The following MYT1L variants were observed in gnomAD, a reference collection of about 807,000 sequenced individuals.
The protein encoded by MYT1L is myelin transcription factor 1-like protein.
In MYT1L, 12 loss-of-function variants were observed where a neutral mutation model predicts 126.7. The ratio of observed to expected loss-of-function variants is 0.09; its 90% CI spans 0.06 to 0.15. The LOEUF (loss-of-function observed/expected upper bound fraction) is 0.15, where lower values mean the gene tolerates loss of function less well. Among genes scored for constraint, MYT1L ranks in the 10% least tolerant of loss-of-function variants. MYT1L has a pLI of 1.00. For missense variants in MYT1L, 979 were observed against 1,585.2 expected (o/e 0.62, Z 6.49); for synonymous variants, 541 against 604.2 (o/e 0.90, Z 1.53).
At chr2:2,289,530 G>T (rs1436991189) in intron 1 of MYT1L, among the ~76,000 whole-genome samples, 1 of 152,162 alleles carries the variant, frequency 6.6e-6, no homozygotes, top group Non-Finnish European at 1.5e-5. Context: ...ACAGCCTCTA[G>T]TAACAATAAT....
intron 19 of MYT1L, among the ~76,000 whole-genome samples, chr2:1,851,144 G>A (rs779960344): frequency 1.3e-5 from 2 of 151,982 alleles, no homozygotes; most frequent in Non-Finnish European, 2.9e-5. Context: ...TTATATTTTA[G>A]ACAGTACCTT....
In MYT1L at chr2:1,943,045, C is replaced by A. The variant is rs1282940571; in HGVS notation, c.442G>T (p.Asp148Tyr). Reference protein sequence around the residue: ...EDEDDDEDGEDVEDEEEEEEE... With the variant: ...EDEDDDEDGEYVEDEEEEEEE... ...TCTTCCTCTTCTTCATCCTCCACAT[C>A]TTCTCCATCCTCGTCATCGTCCTCA... The change falls in exon 9 of 25, where the codon GAT (aspartate) becomes TAT (tyrosine). Residue 148 changes from aspartate (D) to tyrosine (Y), a missense_variant. Asp to Tyr is a radical substitution (Grantham distance 160, BLOSUM62 -3). Transcript: ENST00000647738. The surrounding 1 kb of genome is among the most constrained non-coding windows in gnomAD (Gnocchi z 4.4). 6.7e-7 allele frequency: 1 copy of A among 1,490,864 alleles called. No individual in the cohort carries two copies. Among genetic ancestry groups the A allele is most frequent in the South Asian group, 1.2e-5 (1 of 82,726 alleles). 92.4% of individuals were successfully genotyped at this position (1,490,864 alleles called of 1,614,324 possible).
chr2:1,962,726 G>T (rs1048518442), intron 8 of MYT1L, among the ~76,000 whole-genome samples: 3 of 152,160 alleles, frequency 2.0e-5, no homozygotes, highest in South Asian at 2.1e-4. Flanking sequence ...TTTCAACAAT[G>T]TTCACAGCAT....
intron 18 of MYT1L, among the ~76,000 whole-genome samples, chr2:1,870,476 G>T (rs576634007): frequency 1.3e-5 from 2 of 152,140 alleles, no homozygotes; most frequent in Non-Finnish European, 2.9e-5. Context: ...ATAGAGGGTC[G>T]GTCTGCTGGC....
chr2:2,288,742 G>A (rs189595942), intron 1 of MYT1L, among the ~76,000 whole-genome samples: 56 of 152,232 alleles, frequency 3.7e-4, no homozygotes, highest in Non-Finnish European at 7.1e-4. Flanking sequence ...CTGATCTAGA[G>A]TATCAGTTAT....
At chr2:2,109,872 ATT>A (rs1491315747) in intron 3 of MYT1L, among the ~76,000 whole-genome samples, 5 of 78,438 alleles carry the variant, frequency 6.4e-5, no homozygotes, top group Admixed American at 1.6e-4. Context: ...AAAAGTGCTG[ATT>A]TTATATATAT....
chr2:1,904,304 G>C (rs1028442792), intron 13 of MYT1L, among the ~76,000 whole-genome samples: 4 of 152,090 alleles, frequency 2.6e-5, no homozygotes, highest in African/African-American at 9.7e-5. Context: ...CGGGCTCAAG[G>C]CTTCATGGAT....
At chr2:2,219,710 A>G (rs1458955700) in intron 2 of MYT1L, among the ~76,000 whole-genome samples, 19 of 152,214 alleles carry the variant, frequency 1.2e-4, no homozygotes. Flanking sequence ...GTTGCTAGCC[A>G]GTCAGGACAA....
rs190493191 is a variant in MYT1L at position 2,174,678 on chromosome 2, A to G, written c.-420-1690T>C. Among the ~76,000 whole-genome samples, 154 of 152,188 alleles carry G rather than the reference A, an allele frequency of 1.0e-3. 1 individual carries two copies. The highest frequency in any genetic ancestry group is 3.4e-3 in the Middle Eastern group (1 of 294). On this transcript the variant is annotated intron_variant, in intron 2 of 24. Transcript: ENST00000647738. ...TAACTGGGTCCCTACTTCCTCAATC[A>G]GATTATACTAAGGCAACTAGCATAT...
intron 1 of MYT1L, among the ~76,000 whole-genome samples, chr2:2,287,127 A>G (rs1024040003): frequency 2.6e-5 from 4 of 152,152 alleles, no homozygotes; most frequent in African/African-American, 9.7e-5. Context: ...GTGGTGGTGC[A>G]TGCCTGTAAT....
rs138971745 is a variant in MYT1L at position 2,241,920 on chromosome 2, C to T, written c.-421+42484G>A. ...AGAGACAGAAAGCAGAATGCTGGGA[C>T]CCAGAGATGGGTGTGTCTAGACACA... On this transcript the variant is annotated intron_variant, in intron 2 of 24. Coordinates refer to ENST00000647738, the MANE Select transcript of MYT1L (RefSeq NM_001303052.2). Among the ~76,000 whole-genome samples the T allele has an allele frequency of 2.2e-3, 341 of 152,190 alleles. 1 individual carries two copies. Among genetic ancestry groups the T allele is most frequent in the African/African-American group, 7.9e-3 (327 of 41,520 alleles).
At chr2:2,003,607 C>T (rs1207973279) in intron 4 of MYT1L, among the ~76,000 whole-genome samples, 1 of 152,200 alleles carries the variant, frequency 6.6e-6, no homozygotes. Flanking sequence ...CACCTCCTGC[C>T]CCTTCTCTAT....
At chr2:2,177,758 G>A (rs1020902326) in intron 2 of MYT1L, among the ~76,000 whole-genome samples, 2 of 152,168 alleles carry the variant, frequency 1.3e-5, no homozygotes, top group African/African-American at 2.4e-5. Flanking sequence ...ACAGCATGGG[G>A]TAGGGGTAAA....
At chr2:2,122,970 G>A (rs1263495410) in intron 3 of MYT1L, among the ~76,000 whole-genome samples, 3 of 151,998 alleles carry the variant, frequency 2.0e-5, no homozygotes, top group African/African-American at 4.8e-5. Flanking sequence ...AGGAGAGAGA[G>A]CTTGGGGGCA....
At chr2:1,978,478 ACAGT>A (rs1167920716) in intron 8 of MYT1L, among the ~76,000 whole-genome samples, 2 of 152,240 alleles carry the variant, frequency 1.3e-5, no homozygotes, top group Admixed American at 6.5e-5. Flanking sequence ...TGTGTACCTG[ACAGT>A]CAGCCACGGG....
chr2:2,294,037 A>G (rs1269336754), intron 1 of MYT1L, among the ~76,000 whole-genome samples: 3 of 152,182 alleles, frequency 2.0e-5, no homozygotes, highest in Admixed American at 6.5e-5. Flanking sequence ...TGGGGTGAAT[A>G]CAGAGGAGAG....
chr2:2,198,042 A>G (rs2092902145), intron 2 of MYT1L, among the ~76,000 whole-genome samples: 1 of 151,970 alleles, frequency 6.6e-6, no homozygotes, highest in Non-Finnish European at 1.5e-5. Flanking sequence ...TATATATAAT[A>G]TATACACACA....
chr2:2,299,077 C>T (rs1012854508), intron 1 of MYT1L, among the ~76,000 whole-genome samples: 21 of 152,184 alleles, frequency 1.4e-4, no homozygotes, highest in Admixed American at 1.2e-3. Context: ...TGGTCTCGAT[C>T]TCCTGACCTG....
chr2:1,898,545 C>A (rs1162599012), intron 14 of MYT1L, among the ~76,000 whole-genome samples: 3 of 152,224 alleles, frequency 2.0e-5, no homozygotes, highest in African/African-American at 7.2e-5. Flanking sequence ...CTGGCCTGCC[C>A]TGGCCCTAGA....
Sources: allele counts gnomAD v4.1 joint callset (sites outside exome capture counted in the v4.1 genomes callset), GRCh38; gene constraint gnomAD v4.1.1; non-coding constraint Gnocchi (gnomAD v3.1); transcripts MANE v1.5; gene names NCBI Gene and HGNC (gene_info 2026-07-23, HGNC 2026-07-21).